The following NAALADL2 variants were observed in gnomAD, a reference collection of about 807,000 sequenced individuals.
NAALADL2 encodes the protein N-acetylated alpha-linked acidic dipeptidase like 2, also known as inactive N-acetylated-alpha-linked acidic dipeptidase-like protein 2.
Under a neutral mutation model 87.2 loss-of-function variants are expected in NAALADL2, and 76 were observed. The ratio of observed to expected loss-of-function variants is 0.87; its 90% CI spans 0.72 to 1.05. The LOEUF is 1.05. Ranked by LOEUF, NAALADL2 falls within the 50% of genes least tolerant of loss-of-function variation. NAALADL2 has a pLI of 0.00. For missense variants in NAALADL2, 1,089 were observed against 945.8 expected (o/e 1.15, Z -1.99); for synonymous variants, 354 against 331.0 (o/e 1.07, Z -0.75).
chr3:174,792,644 G>A (rs983356374), intron 3 of NAALADL2, among the ~76,000 whole-genome samples: 7 of 152,122 alleles, frequency 4.6e-5, no homozygotes, highest in Non-Finnish European at 7.4e-5. Context: ...CCAGTGTGGT[G>A]GAGACAGTAT....
In NAALADL2 at chr3:174,953,245, A is replaced by G. The variant is rs1740640358; in HGVS notation, c.43+93795A>G. 3.4e-5 allele frequency among the ~76,000 whole-genome samples: 5 copies of G among 148,338 alleles called. No individual in the cohort carries two copies. In the Admixed American group the frequency reaches 3.4e-4, roughly 10 times the overall value. On this transcript the variant is annotated intron_variant, in intron 1 of 13. Transcript: ENST00000454872. Reference sequence around the variant, plus strand: ...GCTACATGGGCTCCTGGTTAAAACCATTTTATTCAGGAAGCAAAAACCAGG... The same window carrying G: ...GCTACATGGGCTCCTGGTTAAAACCGTTTTATTCAGGAAGCAAAAACCAGG...
At chr3:175,781,643 T>A (rs1216059099) in intron 13 of NAALADL2, among the ~76,000 whole-genome samples, 1 of 149,850 alleles carries the variant, frequency 6.7e-6, no homozygotes, top group Admixed American at 6.6e-5. Flanking sequence ...TTGTTTGTAT[T>A]TTCATTTTTA....
At chr3:175,463,527 T>C in intron 7 of NAALADL2, 34 bp downstream of exon 7, 1 of 1,087,094 alleles carries the variant, frequency 9.2e-7, no homozygotes, top group African/African-American at 1.6e-5. Flanking sequence ...ATCTACACTT[T>C]ATATGAAACT....
At chr3:174,981,760 T>C (rs892812868) in intron 1 of NAALADL2, among the ~76,000 whole-genome samples, 2 of 152,164 alleles carry the variant, frequency 1.3e-5, no homozygotes, top group Non-Finnish European at 2.9e-5. Context: ...TGTCAGTTGG[T>C]GACTCCATAA....
chr3:174,853,926 T>A (rs189821752), intron 3 of NAALADL2, among the ~76,000 whole-genome samples: 86 of 152,282 alleles, frequency 5.6e-4, no homozygotes, highest in African/African-American at 1.9e-3. Flanking sequence ...CATAAACTAT[T>A]ATTGGGAATG....
chr3:175,574,869 T>G (rs62285569), intron 9 of NAALADL2, among the ~76,000 whole-genome samples: 26,266 of 152,128 alleles, frequency 0.17, 2,510 homozygotes, highest in African/African-American at 0.24. Context: ...GAGTACATAC[T>G]TTATGCGCTT....
At chr3:174,602,119 A>G (rs1718513536) in intron 2 of NAALADL2, among the ~76,000 whole-genome samples, 1 of 152,104 alleles carries the variant, frequency 6.6e-6, no homozygotes, top group Admixed American at 6.6e-5. Flanking sequence ...GTGGTTTCAT[A>G]TAAATTTAAG....
intron 1 of NAALADL2, among the ~76,000 whole-genome samples, chr3:175,012,669 C>T (rs991986887): frequency 2.6e-5 from 4 of 152,024 alleles, no homozygotes; most frequent in African/African-American, 9.7e-5. Flanking sequence ...AAGTGCACAG[C>T]CATGCCTATG....
At chr3:175,382,704 T>C (rs1289630371) in intron 5 of NAALADL2, among the ~76,000 whole-genome samples, 1 of 151,870 alleles carries the variant, frequency 6.6e-6, no homozygotes, top group Non-Finnish European at 1.5e-5. Context: ...GGTTCCGACT[T>C]CTCCACTTGC....
chr3:175,707,732 CAG>C (rs1739924133), intron 11 of NAALADL2, among the ~76,000 whole-genome samples: 1 of 152,022 alleles, frequency 6.6e-6, no homozygotes, highest in African/African-American at 2.4e-5. Flanking sequence ...TTTCTAGTTG[CAG>C]AGTCTTCCCT....
At chr3:174,977,025 A>G (rs1744446049) in intron 1 of NAALADL2, among the ~76,000 whole-genome samples, 4 of 152,180 alleles carry the variant, frequency 2.6e-5, no homozygotes. Context: ...TCAAGTAGGT[A>G]TGTGTGAGAT....
intron 1 of NAALADL2, among the ~76,000 whole-genome samples, chr3:175,014,247 G>A (rs1750532154): frequency 6.6e-6 from 1 of 151,962 alleles, no homozygotes; most frequent in African/African-American, 2.4e-5. Context: ...CCAGTGATGC[G>A]TTCTGTTAGG....
intron 3 of NAALADL2, among the ~76,000 whole-genome samples, chr3:174,809,143 G>A (rs539373771): frequency 5.0e-4 from 76 of 151,934 alleles, no homozygotes; most frequent in African/African-American, 1.8e-3. Context: ...AAGAAAACTG[G>A]GGAAACCTTT....
chr3:175,616,342 TTA>T (rs1260980438), intron 10 of NAALADL2, among the ~76,000 whole-genome samples: 1 of 150,428 alleles, frequency 6.6e-6, no homozygotes, highest in East Asian at 1.9e-4. Context: ...ATAAATAACA[TTA>T]TTATTGCTAT....
chr3:175,223,487 A>G (rs1743706850), intron 2 of NAALADL2, among the ~76,000 whole-genome samples: 1 of 152,084 alleles, frequency 6.6e-6, no homozygotes, highest in South Asian at 2.1e-4. Context: ...GCTGAATGAG[A>G]GAGTTCATTT....
intron 1 of NAALADL2, among the ~76,000 whole-genome samples, chr3:174,900,735 C>T (rs1201440055): frequency 2.6e-5 from 4 of 151,548 alleles, no homozygotes; most frequent in South Asian, 2.1e-4. Flanking sequence ...GAGAGTACAT[C>T]TGTGATAGAA....
chr3:174,877,107 A>G (rs1173907748), intron 1 of NAALADL2, among the ~76,000 whole-genome samples: 1 of 152,126 alleles, frequency 6.6e-6, no homozygotes, highest in Non-Finnish European at 1.5e-5. Context: ...CTTAAATACC[A>G]TCACATTTAG....
intron 3 of NAALADL2, among the ~76,000 whole-genome samples, chr3:174,814,074 G>C (rs1308853944): frequency 6.6e-6 from 1 of 151,748 alleles, no homozygotes; most frequent in Admixed American, 6.6e-5. Flanking sequence ...ACAACTGTCT[G>C]TTTAGGTAAA....
chr3:174,650,590 T>C (rs1199922899), intron 2 of NAALADL2, among the ~76,000 whole-genome samples: 1 of 152,156 alleles, frequency 6.6e-6, no homozygotes, highest in East Asian at 1.9e-4. Flanking sequence ...GTTTTCCTTT[T>C]AAGTGTTGCT....
Sources: gnomAD v4.1 joint callset for allele counts (sites outside exome capture counted in the v4.1 genomes callset) on GRCh38, gnomAD v4.1.1 for gene constraint, MANE v1.5 for transcripts, NCBI Gene and HGNC (gene_info 2026-07-23, HGNC 2026-07-21) for gene names.